TEX11: variants seen among roughly 807,000 people sequenced by gnomAD.
The protein encoded by TEX11 is testis-expressed protein 11.
A neutral mutation model predicts 84.4 loss-of-function variants in TEX11; 7 were observed. The ratio of observed to expected loss-of-function variants is 0.08; its 90% CI spans 0.05 to 0.16. The LOEUF is 0.16. TEX11 is among the 10% of genes least tolerant of loss of function. The probability of loss-of-function intolerance (pLI) is 1.00; values close to 1 mark genes in which losing one functional copy is unlikely to be tolerated. For missense variants in TEX11, 551 were observed against 660.5 expected (o/e 0.83, Z 1.82); for synonymous variants, 264 against 222.8 (o/e 1.18, Z -1.64).
intron 7 of TEX11, among the ~76,000 whole-genome samples, chrX:70,847,910 C>G (rs1441038166): frequency 8.9e-6 from 1 of 112,058 alleles, no homozygotes; most frequent in African/African-American, 3.2e-5. Context: ...GTGGAATGAA[C>G]AGGCTTTATT....
intron 28 of TEX11, among the ~76,000 whole-genome samples, chrX:70,546,259 T>C: frequency 8.9e-6 from 1 of 111,828 alleles, no homozygotes; most frequent in Non-Finnish European, 1.9e-5. Flanking sequence ...AAATGAATCA[T>C]AGAGCTACAT....
At chrX:70,663,545 A>G (rs1398232930) in intron 16 of TEX11, among the ~76,000 whole-genome samples, 1 of 111,469 alleles carries the variant, frequency 9.0e-6, no homozygotes, top group Non-Finnish European at 1.9e-5. Flanking sequence ...CACCATCCTC[A>G]GTGCCTTCCT....
intron 3 of TEX11, among the ~76,000 whole-genome samples, chrX:70,878,876 G>A (rs771468125): frequency 4.0e-4 from 45 of 111,680 alleles, no homozygotes; most frequent in African/African-American, 3.6e-4. Context: ...CAATGAAAAC[G>A]TTCATGAATA....
chrX:70,518,386 T>C, the TEX11 span, among the ~76,000 whole-genome samples: 1 of 112,202 alleles, frequency 8.9e-6, no homozygotes, highest in Non-Finnish European at 1.9e-5. Context: ...ATGTGCCCAG[T>C]AGTCATTCAG....
chrX:70,552,176 C>T lies in TEX11; in HGVS notation c.2470G>A (p.Glu824Lys). ...TCTTCAAAATAGCCCCAAACTTCTT[C>T]CAGGGGACAGAGCTCTACATTCGAC... ...GASNVELCPLEEVWGYFEDAL... is the reference protein window; with the variant it reads ...GASNVELCPLKEVWGYFEDAL... The change falls in exon 28 of 30, where the codon GAA becomes AAA. Residue 824 changes from glutamate to lysine, a missense_variant. Coordinates refer to ENST00000374333, the MANE Select transcript of TEX11 (RefSeq NM_031276.3). 1 of 1,211,257 alleles carries T rather than the reference C, an allele frequency of 8.3e-7. No individual in the cohort carries two copies. Among genetic ancestry groups the T allele is most frequent in the Non-Finnish European group, 1.1e-6 (1 of 895,145 alleles).
intron 8 of TEX11, among the ~76,000 whole-genome samples, chrX:70,809,428 A>G (rs1436553595): frequency 8.9e-6 from 1 of 111,835 alleles, no homozygotes; most frequent in East Asian, 2.8e-4. Context: ...GGTAAACTAT[A>G]TAGAGATGAT....
intron 23 of TEX11, among the ~76,000 whole-genome samples, chrX:70,606,755 T>C (rs951192200): frequency 2.7e-5 from 3 of 111,862 alleles, no homozygotes; most frequent in Non-Finnish European, 5.6e-5. Flanking sequence ...GTTTCTGATA[T>C]TTTGGTATAG....
chrX:70,519,656 T>C, the TEX11 span, among the ~76,000 whole-genome samples: 1 of 112,088 alleles, frequency 8.9e-6, no homozygotes, highest in East Asian at 2.8e-4. Context: ...ATTTGAATTC[T>C]GGCCTGCCTT....
chrX:70,751,414 A>G (rs1363473990), intron 9 of TEX11, among the ~76,000 whole-genome samples: 1 of 97,075 alleles, frequency 1.0e-5, no homozygotes, highest in East Asian at 3.5e-4. Flanking sequence ...GTTCTCACTC[A>G]TAGGTGGGAA....
chrX:70,640,523 C>A (rs192711064), intron 17 of TEX11, among the ~76,000 whole-genome samples: 175 of 110,786 alleles, frequency 1.6e-3, no homozygotes, highest in African/African-American at 5.7e-3. Flanking sequence ...CAGAGAGAAA[C>A]GTCAGGTTAC....
chrX:70,740,248 A>G (rs1315501873), intron 11 of TEX11, among the ~76,000 whole-genome samples: 1 of 111,333 alleles, frequency 9.0e-6, no homozygotes, highest in African/African-American at 3.3e-5. Flanking sequence ...AAGGCTGGGA[A>G]CTCCAACATC....
intron 13 of TEX11, among the ~76,000 whole-genome samples, chrX:70,720,324 A>G (rs1456536425): frequency 1.8e-5 from 2 of 110,644 alleles, no homozygotes; most frequent in Non-Finnish European, 3.8e-5. Context: ...AACAATGAGA[A>G]CACTTGGACA....
At chrX:70,858,444 G>GAAA (rs112685365) in intron 5 of TEX11, among the ~76,000 whole-genome samples, 1 of 72,532 alleles carries the variant, frequency 1.4e-5, no homozygotes. Flanking sequence ...TCCATCTCAA[G>GAAA]AAAAAAAAAA....
chrX:70,658,402 G>T (rs1350052865), intron 16 of TEX11, among the ~76,000 whole-genome samples: 3 of 111,493 alleles, frequency 2.7e-5, no homozygotes, highest in Non-Finnish European at 5.7e-5. Context: ...GGGCGACAGA[G>T]CGAGACTCAG....
At chrX:70,839,765 T>C (rs1330702713) in intron 7 of TEX11, among the ~76,000 whole-genome samples, 5 of 110,867 alleles carry the variant, frequency 4.5e-5, no homozygotes, top group African/African-American at 1.6e-4. Context: ...GAACGGATAC[T>C]AGAATAACCA....
chrX:70,649,405 C>T (rs1033323380), intron 17 of TEX11, among the ~76,000 whole-genome samples: 3 of 112,002 alleles, frequency 2.7e-5, no homozygotes, highest in Non-Finnish European at 3.8e-5. Context: ...TTAATAATCT[C>T]CCAGAATGGC....
chrX:70,852,011 A>G (rs1270306807), intron 7 of TEX11, among the ~76,000 whole-genome samples: 2 of 111,812 alleles, frequency 1.8e-5, no homozygotes, highest in Admixed American at 1.9e-4. Context: ...GCTGATGGGG[A>G]TGTCTTTTTG....
At chrX:70,569,928 C>G (rs1317713204) in intron 25 of TEX11, among the ~76,000 whole-genome samples, 1 of 111,776 alleles carries the variant, frequency 8.9e-6, no homozygotes, top group African/African-American at 3.2e-5. Context: ...AACCACTGCT[C>G]TCTTCAAAGC....
At chrX:70,729,308 T>C (rs1212714879) in intron 11 of TEX11, among the ~76,000 whole-genome samples, 3 of 112,326 alleles carry the variant, frequency 2.7e-5, no homozygotes, top group South Asian at 3.7e-4. Context: ...CAAAGCTGGA[T>C]GGAGAATGAC....
Sources: allele counts gnomAD v4.1 joint callset (sites outside exome capture counted in the v4.1 genomes callset), GRCh38; gene constraint gnomAD v4.1.1; transcripts MANE v1.5; gene names NCBI Gene and HGNC (gene_info 2026-07-23, HGNC 2026-07-21).